Variants in CEP126 observed in about 807,000 individuals in gnomAD.
CEP126 encodes centrosomal protein of 126 kDa.
Under a neutral mutation model 107.8 loss-of-function variants are expected in CEP126, and 74 were observed. The ratio of observed to expected loss-of-function variants is 0.69; its 90% confidence interval spans 0.57 to 0.83. CEP126 has a LOEUF of 0.83. CEP126 is among the 40% of genes least tolerant of loss of function. CEP126 has a pLI of 0.00. For synonymous variants in CEP126, 449 were observed against 446.0 expected, an observed-to-expected ratio of 1.01 and a Z score of -0.08; for missense variants, 1,237 against 1,281.9, an observed-to-expected ratio of 0.96 and a Z score of 0.53.
In CEP126 at chr11:101,961,943, T is replaced by C. The variant is rs1226583436; in HGVS notation, c.908T>C (p.Phe303Ser). 1.2e-6 allele frequency: 2 copies of C among 1,610,354 alleles called. No individual in the cohort carries two copies. The highest frequency in any genetic ancestry group is 2.7e-5 in the African/African-American group (2 of 74,764). The change falls in exon 6 of 11, where the codon TTC (phenylalanine) becomes TCC (serine). Residue 303 changes from phenylalanine (F) to serine (S), a missense_variant. Physicochemically the swap from Phe to Ser is radical, Grantham distance 155. This residue lies in a region of CEP126 where 1,134 missense variants were observed against 1,150.5 expected (regional missense o/e 0.99). Transcript: ENST00000263468. Reference sequence around the variant, plus strand: ...TGCTTTGATGAAGATAAACTGGCATTCTCTAAAACTCAACATATAAATAAT... The same window carrying C: ...TGCTTTGATGAAGATAAACTGGCATCCTCTAAAACTCAACATATAAATAAT... ...LSCFDEDKLA[F>S]SKTQHINNWL... is the part of the protein sequence containing the mutation.
intron 8 of CEP126, 84 bp from the exon 9 acceptor site, chr11:101,986,748 A>T: frequency 2.2e-6 from 2 of 903,836 alleles, no homozygotes; most frequent in Non-Finnish European, 3.6e-6. Context: ...ACAGTTAAGC[A>T]TGTATAAGTA....
chr11:101,981,828 T>C, intron 7 of CEP126, 61 bp from the exon 8 acceptor site: 1 of 990,202 alleles, frequency 1.0e-6, no homozygotes, highest in Non-Finnish European at 1.5e-6. Flanking sequence ...TAAAAGTTCA[T>C]GTACATATTA....
chr11:101,930,021 G>GT (rs1161432406), intron 2 of CEP126, among the ~76,000 whole-genome samples: 14 of 133,262 alleles, frequency 1.1e-4, no homozygotes, highest in African/African-American at 2.8e-4. Flanking sequence ...CAGGCTTCAA[G>GT]TTTTTTTTCT....
intron 6 of CEP126, among the ~76,000 whole-genome samples, chr11:101,964,788 A>C (rs1941040435): frequency 6.6e-6 from 1 of 152,240 alleles, no homozygotes; most frequent in Non-Finnish European, 1.5e-5. Flanking sequence ...AAGGACAAGG[A>C]ATAGGATCTG....
rs775494260 is a variant in CEP126 at position 101,962,141 on chromosome 11, C to A, written c.1106C>A (p.Pro369His). The A allele has an allele frequency of 1.2e-6, 2 of 1,612,870 alleles. No homozygotes were observed. Among genetic ancestry groups the A allele is most frequent in the South Asian group, 2.2e-5 (2 of 90,786 alleles). The change falls in exon 6 of 11, where the codon CCC becomes CAC. Residue 369 changes from proline to histidine, a missense_variant. Pro to His is a moderately conservative substitution (Grantham distance 77). Transcript: ENST00000263468. ...RATNTANNSV[P>H]FVSSPPMFVL... ...ACAAATACTGCTAATAATTCAGTAC[C>A]CTTTGTATCTAGCCCACCCATGTTT... is the stretch of plus-strand genomic sequence containing the variant.
intron 10 of CEP126, among the ~76,000 whole-genome samples, chr11:101,995,245 G>C (rs1490810934): frequency 6.6e-6 from 1 of 152,020 alleles, no homozygotes; most frequent in African/African-American, 2.4e-5. Context: ...TACAGATCTT[G>C]GTAAATACAT....
chr11:101,943,027 A>G (rs1015208416), intron 2 of CEP126, among the ~76,000 whole-genome samples: 3 of 151,904 alleles, frequency 2.0e-5, no homozygotes, highest in African/African-American at 4.8e-5. Flanking sequence ...TTTTCTAAAT[A>G]TAAGATTATG....
chr11:101,961,731 T>C lies in CEP126; in HGVS notation c.706-10T>C. On this transcript the variant is annotated splice_polypyrimidine_tract_variant and intron_variant, in intron 5 of 10. Coordinates refer to ENST00000263468, the MANE Select transcript of CEP126 (RefSeq NM_020802.4). Reference sequence around the variant, plus strand: ...TATAAGCTATAAAACAATGTTCTTTTTTTTTCCAGAAATTTTGTGATGAAG... The same window carrying C: ...TATAAGCTATAAAACAATGTTCTTTCTTTTTCCAGAAATTTTGTGATGAAG... 7.0e-7 allele frequency: 1 copy of C among 1,435,474 alleles called. No homozygotes were observed. Among genetic ancestry groups the C allele is most frequent in the South Asian group, 1.4e-5 (1 of 73,780 alleles). The allele number at this position is 1,435,474 out of a possible 1,614,324, so 88.9% of individuals were successfully genotyped here. A position where few individuals can be genotyped will look rare whatever the true frequency, so the allele number is the denominator to read the frequency against.
intron 1 of CEP126, among the ~76,000 whole-genome samples, chr11:101,918,660 C>T (rs747962280): frequency 2.6e-5 from 4 of 152,118 alleles, no homozygotes; most frequent in Non-Finnish European, 5.9e-5. Context: ...TGCCTTTTGT[C>T]CTCATATCTA....
intron 6 of CEP126, among the ~76,000 whole-genome samples, chr11:101,969,348 A>G (rs1471338248): frequency 2.0e-5 from 3 of 152,240 alleles, no homozygotes; most frequent in Admixed American, 2.0e-4. Context: ...AATAACATTT[A>G]GAAATGTAAA....
intron 3 of CEP126, 134 bp downstream of exon 3, chr11:101,944,544 A>G: frequency 2.6e-6 from 2 of 781,188 alleles, no homozygotes; most frequent in Non-Finnish European, 3.9e-6. Flanking sequence ...GAGTAAAAGC[A>G]CTTTAACCAA....
rs1300283317 is a variant in CEP126 at position 101,915,277 on chromosome 11, A to G, written c.-8A>G. The G allele has an allele frequency of 1.2e-6, 2 of 1,613,330 alleles. No homozygotes were observed. Among genetic ancestry groups the G allele is most frequent in the African/African-American group, 2.7e-5 (2 of 74,934 alleles). ...GGGGCGAGCAGACAGGCGGCGCTGA[A>G]GTGAAGGATGCTGGCGGGGAGGCCC... On this transcript the variant is annotated 5_prime_UTR_variant, in exon 1 of 11. Transcript: ENST00000263468.
Position 101,961,796 on chromosome 11 carries a change from A to C in CEP126, c.761A>C (p.Asp254Ala), listed in dbSNP as rs1940973856. The C allele has an allele frequency of 6.3e-7, 1 of 1,595,290 alleles. No individual in the cohort carries two copies. The highest frequency in any genetic ancestry group is 2.2e-5 in the East Asian group (1 of 44,732). Reference protein sequence around the residue: ...ITNSETLSSIDSLEATEHEEI... With the variant: ...ITNSETLSSIASLEATEHEEI... ...AATTCTGAAACCCTCTCAAGTATAG[A>C]CAGTCTTGAGGCTACAGAGCATGAA... The change falls in exon 6 of 11, where the codon GAC becomes GCC. Residue 254 changes from aspartate (D) to alanine (A), a missense_variant. Asp to Ala is a moderately radical substitution (Grantham distance 126). Transcript: ENST00000263468.
chr11:101,953,557 A>G (rs950560328), intron 4 of CEP126, among the ~76,000 whole-genome samples: 3 of 152,214 alleles, frequency 2.0e-5, no homozygotes, highest in East Asian at 3.8e-4. Flanking sequence ...GGAGCTCAAG[A>G]AAGAGCCTGA....
intron 2 of CEP126, among the ~76,000 whole-genome samples, chr11:101,934,892 A>T (rs537764439): frequency 6.6e-6 from 1 of 152,080 alleles, no homozygotes; most frequent in African/African-American, 2.4e-5. Context: ...GTGGATATAC[A>T]TTTTTATTTG....
intron 6 of CEP126, among the ~76,000 whole-genome samples, chr11:101,970,467 T>C (rs892293053): frequency 5.9e-5 from 9 of 152,074 alleles, no homozygotes; most frequent in African/African-American, 1.9e-4. Context: ...TTTCTTGACA[T>C]GAGTGGCTGT....
intron 6 of CEP126, among the ~76,000 whole-genome samples, chr11:101,971,826 C>T (rs192677832): frequency 5.9e-5 from 9 of 152,276 alleles, no homozygotes; most frequent in Admixed American, 2.6e-4. Flanking sequence ...TCACCAATAG[C>T]GGCCAGGTGC....
At chr11:101,936,284 A>G (rs1001027666) in intron 2 of CEP126, among the ~76,000 whole-genome samples, 23 of 152,014 alleles carry the variant, frequency 1.5e-4, no homozygotes, top group African/African-American at 5.5e-4. Context: ...GAAGTCTTGC[A>G]TGTCTTTGTT....
intron 6 of CEP126, among the ~76,000 whole-genome samples, chr11:101,969,211 G>A (rs924936021): frequency 6.6e-6 from 1 of 152,048 alleles, no homozygotes; most frequent in Non-Finnish European, 1.5e-5. Context: ...TGCAGAGACA[G>A]GGTTTCACCT....
Sources: gnomAD v4.1 joint callset for allele counts (sites outside exome capture counted in the v4.1 genomes callset) on GRCh38, gnomAD v4.1.1 for gene constraint, gnomAD v4.1.1 regional missense constraint, MANE v1.5 for transcripts, NCBI Gene and HGNC (gene_info 2026-07-23, HGNC 2026-07-21) for gene names.